CDK7: variants seen among roughly 807,000 people sequenced by gnomAD.
The protein encoded by CDK7 is cyclin-dependent kinase 7.
Under a neutral mutation model 49.1 loss-of-function variants are expected in CDK7, and 25 were observed. That is an observed-to-expected ratio of 0.51 (90% CI 0.37 to 0.71). CDK7 has a LOEUF of 0.71. Among genes scored for constraint, CDK7 ranks in the 30% least tolerant of loss-of-function variants. The pLI, the probability that CDK7 is intolerant of heterozygous loss-of-function variation, is 0.00. For synonymous variants in CDK7, 107 were observed against 140.0 expected (o/e 0.76, Z 1.67); for missense variants, 316 against 411.7 (o/e 0.77, Z 2.01).
At chr5:69,234,816 T>C (rs1360840956), upstream of CDK7, 4 of 713,212 alleles carry the variant, frequency 5.6e-6, no homozygotes, top group Non-Finnish European at 9.6e-6. Flanking sequence ...CGCCTGGGCC[T>C]AGCGCAGCTT....
At chr5:69,239,377 C>T (rs1305475714) in intron 2 of CDK7, among the ~76,000 whole-genome samples, 1 of 152,084 alleles carries the variant, frequency 6.6e-6, no homozygotes, top group Non-Finnish European at 1.5e-5. Context: ...AGATTTTCTC[C>T]TGTTTTCTGT....
At chr5:69,269,705 TG>T (rs1751400754) in intron 9 of CDK7, among the ~76,000 whole-genome samples, 1 of 151,916 alleles carries the variant, frequency 6.6e-6, no homozygotes. Context: ...CACATGTAGG[TG>T]TACATATATG....
At chr5:69,238,895 G>A (rs765954234) in intron 2 of CDK7, among the ~76,000 whole-genome samples, 48 of 151,962 alleles carry the variant, frequency 3.2e-4, no homozygotes, top group Non-Finnish European at 5.4e-4. Flanking sequence ...CATTATTTCC[G>A]AAATCCTCTA....
chr5:69,274,404 G>A (rs1005750799), intron 10 of CDK7, among the ~76,000 whole-genome samples: 1 of 152,168 alleles, frequency 6.6e-6, no homozygotes, highest in Admixed American at 6.5e-5. Context: ...GGAGGTGAAG[G>A]AGCAAGGATA....
chr5:69,248,429 G>A (rs971885541), intron 2 of CDK7, among the ~76,000 whole-genome samples: 6 of 151,666 alleles, frequency 4.0e-5, no homozygotes, highest in African/African-American at 1.5e-4. Context: ...TTCCCAGGCT[G>A]GAGTGTGGAG....
chr5:69,260,127 C>A (rs2130757), intron 7 of CDK7, among the ~76,000 whole-genome samples, 191 bp downstream of exon 7: 2 of 152,024 alleles, frequency 1.3e-5, no homozygotes, highest in African/African-American at 4.8e-5. Context: ...GGCAGGCAGA[C>A]CCACGAGGTC....
chr5:69,277,009 T>C, intron 11 of CDK7, 98 bp from the exon 12 acceptor site: 2 of 998,374 alleles, frequency 2.0e-6, no homozygotes, highest in Non-Finnish European at 3.0e-6. Flanking sequence ...AGTGAAATAA[T>C]GTAGTTGGAA....
At chr5:69,262,380 T>G in intron 8 of CDK7, 76 bp downstream of exon 8, 1 of 1,597,624 alleles carries the variant, frequency 6.3e-7, no homozygotes, top group Non-Finnish European at 8.6e-7. Flanking sequence ...TAAGAATTCT[T>G]GTCCTAGGCC....
At chr5:69,253,216 C>G (rs1750262294) in intron 3 of CDK7, among the ~76,000 whole-genome samples, 1 of 152,150 alleles carries the variant, frequency 6.6e-6, no homozygotes, top group African/African-American at 2.4e-5. Context: ...ATAGCTCTTA[C>G]AAAAGAGACC....
At chr5:69,235,136 C>G (rs1734986006) in intron 1 of CDK7, 95 bp downstream of exon 1, 1 of 1,213,452 alleles carries the variant, frequency 8.2e-7, no homozygotes, top group African/African-American at 1.5e-5. Context: ...AGAGGTCTGG[C>G]TTGGCTGCTC....
chr5:69,256,204 G>C (rs111842431), intron 5 of CDK7, among the ~76,000 whole-genome samples: 23,204 of 150,578 alleles, frequency 0.15, 1,919 homozygotes, highest in African/African-American at 0.21. Context: ...AAGGCAAGAG[G>C]ATTGCTTAAG....
At chr5:69,270,923 C>T (rs1751482979) in intron 9 of CDK7, among the ~76,000 whole-genome samples, 1 of 152,188 alleles carries the variant, frequency 6.6e-6, no homozygotes, top group African/African-American at 2.4e-5. Flanking sequence ...ACCAATAAAA[C>T]TGCTCTAAAC....
intron 10 of CDK7, among the ~76,000 whole-genome samples, chr5:69,274,852 G>T (rs550300786): frequency 6.6e-6 from 1 of 152,238 alleles, no homozygotes; most frequent in South Asian, 2.1e-4. Context: ...CTGACCTCAG[G>T]TGATCCATCT....
intron 8 of CDK7, among the ~76,000 whole-genome samples, chr5:69,262,583 C>T (rs1365079379): frequency 3.3e-5 from 5 of 150,792 alleles, no homozygotes; most frequent in Non-Finnish European, 7.4e-5. Flanking sequence ...ACAGGAGAAT[C>T]GCTTGAACCT....
intron 9 of CDK7, among the ~76,000 whole-genome samples, chr5:69,269,637 C>T (rs1239659035): frequency 6.6e-6 from 1 of 151,808 alleles, no homozygotes; most frequent in African/African-American, 2.4e-5. Flanking sequence ...GGGTTCACGT[C>T]GTATATATAC....
chr5:69,250,681 C>T, intron 2 of CDK7: 1 of 456,282 alleles, frequency 2.2e-6, no homozygotes, highest in Non-Finnish European at 4.4e-6. Context: ...CCAGGGCAAC[C>T]AAGCTGGTCC....
intron 8 of CDK7, among the ~76,000 whole-genome samples, chr5:69,263,682 G>C (rs1282627025): frequency 6.6e-6 from 1 of 152,176 alleles, no homozygotes; most frequent in African/African-American, 2.4e-5. Context: ...CATGATAACT[G>C]CTACTTACCT....
chr5:69,269,698 A>G (rs957956141), intron 9 of CDK7, among the ~76,000 whole-genome samples: 3 of 152,004 alleles, frequency 2.0e-5, no homozygotes, highest in African/African-American at 7.2e-5. Flanking sequence ...ACATGCACAC[A>G]TGTAGGTGTA....
rs1481628430 is a variant in CDK7, at chr5:69,238,427, G to A, written c.126+2974G>A. On this transcript the variant is annotated intron_variant, in intron 2 of 11. Coordinates refer to ENST00000256443, the MANE Select transcript of CDK7 (RefSeq NM_001799.4). ...AGCCTCCCAACCAGCTAGGAGTACA[G>A]GTGCATGCCACCGTGCCCCACTAAA... is the stretch of plus-strand genomic sequence containing the variant. 4.6e-5 allele frequency among the ~76,000 whole-genome samples: 7 copies of A among 151,652 alleles called. No homozygotes were observed. The South Asian group carries it at 1.2e-3, about 27-fold the overall frequency.
Sources: allele counts gnomAD v4.1 joint callset (sites outside exome capture counted in the v4.1 genomes callset), GRCh38; gene constraint gnomAD v4.1.1; transcripts MANE v1.5; gene names NCBI Gene and HGNC (gene_info 2026-07-23, HGNC 2026-07-21).